KATNBL1: variants seen among roughly 807,000 people sequenced by gnomAD.
KATNBL1 encodes KATNB1-like protein 1.
In KATNBL1, 28 loss-of-function variants were observed where a neutral mutation model predicts 44.7. The observed-to-expected ratio is 0.63, with a 90% CI of 0.46 to 0.86. The LOEUF is 0.86. Ranked by LOEUF, KATNBL1 falls within the 40% of genes least tolerant of loss-of-function variation. The probability of loss-of-function intolerance (pLI) is 0.00; values close to 1 mark genes in which losing one functional copy is unlikely to be tolerated. For synonymous variants in KATNBL1, 78 were observed against 114.9 expected, an observed-to-expected ratio of 0.68 and a Z score of 2.06; for missense variants, 272 against 350.7, an observed-to-expected ratio of 0.78 and a Z score of 1.79.
chr15:34,179,572 G>T (rs528872703), intron 1 of KATNBL1, among the ~76,000 whole-genome samples: 4 of 152,138 alleles, frequency 2.6e-5, no homozygotes, highest in Admixed American at 6.5e-5. Context: ...GGACTCAAGA[G>T]ATTCTCCCAC....
chr15:34,151,822 A>T (rs1292056002), intron 4 of KATNBL1, among the ~76,000 whole-genome samples: 1 of 151,996 alleles, frequency 6.6e-6, no homozygotes, highest in Non-Finnish European at 1.5e-5. Flanking sequence ...GAGTCTGTTA[A>T]CCAGTTTTGC....
intron 1 of KATNBL1, among the ~76,000 whole-genome samples, chr15:34,195,639 C>G (rs535940156): frequency 2.7e-5 from 4 of 149,320 alleles, no homozygotes; most frequent in African/African-American, 1.0e-4. Context: ...TGCAGTGAGC[C>G]GAGATCCCAT....
chr15:34,193,732 G>C (rs1889952378), intron 1 of KATNBL1, among the ~76,000 whole-genome samples: 1 of 150,466 alleles, frequency 6.6e-6, no homozygotes, highest in Admixed American at 6.6e-5. Flanking sequence ...CACACCAGTA[G>C]TCCCAGCTAC....
Position 34,148,673 on chromosome 15 carries a change from C to T in KATNBL1, c.516G>A (p.Trp172Ter). 1 of 1,610,650 alleles carries T rather than the reference C, an allele frequency of 6.2e-7. No homozygotes were observed. The highest frequency in any genetic ancestry group is 8.5e-7 in the Non-Finnish European group (1 of 1,176,952). The change falls in exon 5 of 10, where the codon TGG becomes TGA. Residue 172 changes from tryptophan to a stop codon, truncating the protein, a stop_gained. Transcript: ENST00000256544. LOFTEE classifies it high-confidence loss of function. ...NMRLNVALTF[W>*]RKRSISELVA... ...CAAGTTCACTTATACTTCTCTTTCT[C>T]CAGAAAGTTAAAGCTACATTCAATC...
Position 34,158,470 on chromosome 15 carries a change from G to A in KATNBL1, c.118-3786C>T, listed in dbSNP as rs1013719955. ...GCTTGTTTGGCTATTTGATCTGCAAGGTTGTTCCCCCAGCTTTCAAAAGAG... is the reference window on the plus strand; with the variant it reads ...GCTTGTTTGGCTATTTGATCTGCAAAGTTGTTCCCCCAGCTTTCAAAAGAG... On this transcript the variant is annotated intron_variant, in intron 2 of 9. Coordinates refer to ENST00000256544, the MANE Select transcript of KATNBL1 (RefSeq NM_024713.3). 4.6e-5 allele frequency among the ~76,000 whole-genome samples: 7 copies of A among 152,238 alleles called. 1 individual carries two copies. The South Asian group carries it at 6.2e-4, about 13-fold the overall frequency.
chr15:34,142,497 C>T (rs773720492), intron 9 of KATNBL1, 126 bp from the exon 10 acceptor site: 27 of 1,032,518 alleles, frequency 2.6e-5, no homozygotes, highest in African/African-American at 8.3e-5. Flanking sequence ...GGGTAAAAGA[C>T]GTGCCTTGTT....
chr15:34,152,962 G>C lies in KATNBL1; in HGVS notation c.266C>G (p.Ser89Cys), dbSNP rs371756125. ...CATGTCACAGCCCCCACTTCCAGGG[G>C]ACTGTTTTTTTCTGTAACAAGGATT... ...FPNPCYRKKQ[S>C]PGSGGCDMAN... The change falls in exon 4 of 10, where the codon TCC becomes TGC. Residue 89 changes from serine to cysteine, a missense_variant. Physicochemically the swap from Ser to Cys is moderately radical, Grantham distance 112 (BLOSUM62 -1). This residue lies in a region of KATNBL1 where 122 missense variants were observed against 125.0 expected (regional missense o/e 0.98). Transcript: ENST00000256544. 9.3e-6 allele frequency: 15 copies of C among 1,613,968 alleles called. No individual in the cohort carries two copies. The highest frequency in any genetic ancestry group is 5.3e-5 in the African/African-American group (4 of 74,926).
intron 1 of KATNBL1, among the ~76,000 whole-genome samples, chr15:34,186,980 C>T (rs1360880121): frequency 6.6e-6 from 1 of 152,222 alleles, no homozygotes; most frequent in Non-Finnish European, 1.5e-5. Context: ...TGCACTTCCT[C>T]CTCTCTGAGG....
chr15:34,208,816 G>T (rs759503045), intron 1 of KATNBL1: 1 of 152,188 alleles, frequency 6.6e-6, no homozygotes, highest in Non-Finnish European at 1.5e-5. Context: ...TGAAATGAAA[G>T]GGCTTTGTAA....
At chr15:34,201,253 C>T (rs1004669812) in intron 1 of KATNBL1, among the ~76,000 whole-genome samples, 15 of 152,184 alleles carry the variant, frequency 9.9e-5, no homozygotes, top group African/African-American at 3.6e-4. Context: ...TTTTAAAAAA[C>T]ATAACTATGC....
At chr15:34,204,479 C>G (rs1595369976) in intron 1 of KATNBL1, among the ~76,000 whole-genome samples, 1 of 152,218 alleles carries the variant, frequency 6.6e-6, no homozygotes, top group Non-Finnish European at 1.5e-5. Context: ...AGTCAGCCTT[C>G]CGTATTCATG....
chr15:34,144,438 T>A (rs553390588), intron 9 of KATNBL1, among the ~76,000 whole-genome samples: 10 of 150,376 alleles, frequency 6.7e-5, no homozygotes, highest in East Asian at 1.9e-4. Flanking sequence ...ATATATATAT[T>A]TTTAAAACCA....
At chr15:34,163,045 CT>C (rs35514072) in intron 2 of KATNBL1, among the ~76,000 whole-genome samples, 63 of 142,504 alleles carry the variant, frequency 4.4e-4, no homozygotes, top group African/African-American at 5.2e-4. Flanking sequence ...TGACTAAAAA[CT>C]TTTTTTTTTT....
intron 1 of KATNBL1, among the ~76,000 whole-genome samples, chr15:34,167,634 C>T (rs191115406): frequency 8.5e-5 from 13 of 152,222 alleles, no homozygotes; most frequent in Non-Finnish European, 1.9e-4. Flanking sequence ...AACCCCAAGA[C>T]ACTTAATTGT....
At chr15:34,147,557 A>T in intron 5 of KATNBL1, 127 bp from the exon 6 acceptor site, 5 of 498,036 alleles carry the variant, frequency 1.0e-5, no homozygotes, top group East Asian at 7.0e-5. Flanking sequence ...ACAATGAGTC[A>T]TGTCTGTGGA....
At chr15:34,186,862 A>C (rs1170857548) in intron 1 of KATNBL1, among the ~76,000 whole-genome samples, 1 of 152,188 alleles carries the variant, frequency 6.6e-6, no homozygotes, top group African/African-American at 2.4e-5. Context: ...CCCTCAGGCC[A>C]GGGAGGACCT....
chr15:34,193,060 A>G (rs953947375), intron 1 of KATNBL1, among the ~76,000 whole-genome samples: 3 of 151,702 alleles, frequency 2.0e-5, no homozygotes, highest in African/African-American at 2.4e-5. Flanking sequence ...TATTAAAAAT[A>G]CAAAAAATTA....
chr15:34,143,870 G>A (rs539993057), intron 9 of KATNBL1, among the ~76,000 whole-genome samples: 1 of 149,446 alleles, frequency 6.7e-6, no homozygotes, highest in South Asian at 2.1e-4. Context: ...GGGAGGCTGA[G>A]GCAGGAGAAT....
chr15:34,193,226 AAAAAAAAAAC>A (rs1185453345), intron 1 of KATNBL1, among the ~76,000 whole-genome samples: 16 of 135,568 alleles, frequency 1.2e-4, no homozygotes, highest in African/African-American at 3.3e-4. Context: ...CAAAAAAAAA[AAAAAAAAAAC>A]AAAAAAAAAA....
Sources: gnomAD v4.1 joint callset for allele counts (sites outside exome capture counted in the v4.1 genomes callset) on GRCh38, gnomAD v4.1.1 for gene constraint, gnomAD v4.1.1 regional missense constraint, MANE v1.5 for transcripts, NCBI Gene and HGNC (gene_info 2026-07-23, HGNC 2026-07-21) for gene names.